Variants in CDH18 observed in about 807,000 individuals in gnomAD.
CDH18 encodes cadherin 18.
CDH18 carries 31 observed loss-of-function variants against 67.9 expected under a neutral mutation model. The observed-to-expected ratio is 0.46, with a 90% CI of 0.34 to 0.62. The LOEUF (loss-of-function observed/expected upper bound fraction) is 0.62, where lower values mean the gene tolerates loss of function less well. CDH18 is among the 20% of genes least tolerant of loss of function. CDH18 has a pLI of 0.01. For synonymous variants in CDH18, 362 were observed against 347.2 expected, an observed-to-expected ratio of 1.04 and a Z score of -0.48; for missense variants, 890 against 975.5, an observed-to-expected ratio of 0.91 and a Z score of 1.17.
intron 5 of CDH18, among the ~76,000 whole-genome samples, chr5:19,709,575 C>T (rs1394588358): frequency 8.3e-6 from 1 of 119,982 alleles, no homozygotes; most frequent in Non-Finnish European, 1.8e-5. Context: ...CAAAAAACAA[C>T]AACAAAAAAA....
intron 1 of CDH18, among the ~76,000 whole-genome samples, chr5:20,308,354 G>A (rs569880690): frequency 2.0e-5 from 3 of 151,904 alleles, no homozygotes; most frequent in Admixed American, 1.3e-4. Context: ...ACCAGCCTGG[G>A]CGACACGGTG....
At position 20,172,865 on chromosome 5, in the gene CDH18, C is replaced by T. The variant is rs532440952; in HGVS notation, c.-518+82579G>A. 1.2e-4 allele frequency among the ~76,000 whole-genome samples: 18 copies of T among 151,914 alleles called. No homozygotes were observed. The East Asian group carries it at 3.3e-3, about 28-fold the overall frequency. Reference sequence around the variant, plus strand: ...ATTAGCCAGGCATGGTGGCACATGCCTGTAATCCCAGCTACTCAGGAGGCT... The same window carrying T: ...ATTAGCCAGGCATGGTGGCACATGCTTGTAATCCCAGCTACTCAGGAGGCT... On this transcript the variant is annotated intron_variant, in intron 2 of 14. Transcript: ENST00000507958.
intron 2 of CDH18, among the ~76,000 whole-genome samples, chr5:20,036,608 A>C (rs1404967075): frequency 6.6e-6 from 1 of 152,052 alleles, no homozygotes; most frequent in African/African-American, 2.4e-5. Context: ...ATAGGGATCC[A>C]TAGTGGTAGG....
At chr5:20,146,453 T>C (rs1458171823) in intron 2 of CDH18, among the ~76,000 whole-genome samples, 1 of 152,058 alleles carries the variant, frequency 6.6e-6, no homozygotes, top group Non-Finnish European at 1.5e-5. Flanking sequence ...ATAATATAAT[T>C]GAATTGTGTT....
At chr5:20,235,643 G>A (rs929711381) in intron 2 of CDH18, among the ~76,000 whole-genome samples, 3 of 152,210 alleles carry the variant, frequency 2.0e-5, no homozygotes, top group African/African-American at 7.2e-5. Flanking sequence ...TGGCAAGGCT[G>A]TAGAGAAAAG....
rs1743517176 is a variant in CDH18 at position 19,503,039 on chromosome 5, T to C, written c.1583A>G (p.Asp528Gly). The stretch of plus-strand genomic sequence containing the variant: ...GTTTGGATTTACAGGCAGGCGTTCA[T>C]CAAGAAAGAAGTTAAACCTTGGTCC... ...ANGPRFNFFL[D>G]ERLPVNPNFT... Residue 528 changes from aspartate (D) to glycine (G), a missense_variant, in exon 11 of 13, where the codon GAT becomes GGT. Physicochemically the swap from Asp to Gly is moderately conservative, Grantham distance 94. Transcript: ENST00000382275. The C allele has an allele frequency of 1.2e-6, 2 of 1,612,668 alleles. No individual in the cohort carries two copies.
intron 1 of CDH18, among the ~76,000 whole-genome samples, chr5:20,260,552 G>A (rs1744571489): frequency 6.6e-6 from 1 of 152,156 alleles, no homozygotes; most frequent in Non-Finnish European, 1.5e-5. Flanking sequence ...GACATATTTT[G>A]CATTTCAGAA....
chr5:19,797,010 T>C (rs1194657246), intron 3 of CDH18, among the ~76,000 whole-genome samples: 1 of 151,736 alleles, frequency 6.6e-6, no homozygotes, highest in African/African-American at 2.4e-5. Context: ...AGAAAACAAA[T>C]GTAAGATATA....
At chr5:19,873,390 T>C (rs747042639) in intron 2 of CDH18, among the ~76,000 whole-genome samples, 2 of 152,142 alleles carry the variant, frequency 1.3e-5, no homozygotes, top group African/African-American at 2.4e-5. Context: ...AAGAAAAACA[T>C]AGTCGGTGAG....
chr5:19,528,416 T>A (rs575230441), intron 9 of CDH18, among the ~76,000 whole-genome samples: 1 of 151,684 alleles, frequency 6.6e-6, no homozygotes, highest in South Asian at 2.1e-4. Context: ...AATAAAAATT[T>A]CCTTATCAGA....
rs1313739373 is a variant in CDH18, at chr5:19,483,363, G to A, written c.1820C>T (p.Ser607Phe). The A allele has an allele frequency of 1.4e-5, 22 of 1,613,956 alleles. No homozygotes were observed. Among genetic ancestry groups the A allele is most frequent in the Non-Finnish European group, 1.8e-5 (21 of 1,179,866 alleles). The change falls in exon 12 of 13, where the codon TCC (serine) becomes TTC (phenylalanine). Residue 607 changes from serine to phenylalanine, a missense_variant. Around this residue, in one of 2 missense-constraint regions of CDH18, gnomAD observed 656 missense variants for 668.1 expected, o/e 0.98. Coordinates refer to ENST00000382275, the MANE Select transcript of CDH18 (RefSeq NM_004934.5). ...GGCTCCTGTACTCAAACCAGCCGAG[G>A]ACAGGAAGGCTTCTGCATGGCAGGT... Reference protein sequence around the residue: ...VRTCHAEAFLSSAGLSTGALI... With the variant: ...VRTCHAEAFLFSAGLSTGALI...
chr5:20,195,787 A>G (rs1189392562), intron 2 of CDH18, among the ~76,000 whole-genome samples: 1 of 152,124 alleles, frequency 6.6e-6, no homozygotes, highest in African/African-American at 2.4e-5. Flanking sequence ...GGATTTGTAT[A>G]CAAAATGCAT....
chr5:20,059,069 C>A (rs919594670), intron 2 of CDH18, among the ~76,000 whole-genome samples: 1 of 151,922 alleles, frequency 6.6e-6, no homozygotes, highest in Non-Finnish European at 1.5e-5. Flanking sequence ...AGGGTGTATG[C>A]GTCCAGGAAT....
At chr5:19,722,444 T>C (rs1766231993) in intron 4 of CDH18, among the ~76,000 whole-genome samples, 2 of 151,416 alleles carry the variant, frequency 1.3e-5, no homozygotes, top group East Asian at 1.9e-4. Flanking sequence ...AAATGGATTG[T>C]AAATTCATTT....
intron 3 of CDH18, among the ~76,000 whole-genome samples, chr5:19,789,443 T>C (rs1776139840): frequency 6.6e-6 from 1 of 152,166 alleles, no homozygotes; most frequent in African/African-American, 2.4e-5. Flanking sequence ...ATAACTCAAA[T>C]TTATAATTTC....
At chr5:19,890,959 C>T (rs546494375) in intron 2 of CDH18, among the ~76,000 whole-genome samples, 13 of 152,264 alleles carry the variant, frequency 8.5e-5, no homozygotes, top group African/African-American at 1.7e-4. Context: ...GATTTAGTTA[C>T]ATAATAGACA....
chr5:20,465,728 T>C lies in CDH18; in HGVS notation c.-580+109734A>G, dbSNP rs934478450. On this transcript the variant is annotated intron_variant, in intron 1 of 14. Transcript: ENST00000507958. The stretch of plus-strand genomic sequence containing the variant: ...CAATCTGAGTGAATGAAATATATAC[T>C]GATCATAATTTCTTTTTTCTGAGAA... Among the ~76,000 whole-genome samples the C allele has an allele frequency of 1.3e-3, 195 of 152,146 alleles. 1 individual carries two copies. The highest frequency in any genetic ancestry group is 4.6e-3 in the African/African-American group (192 of 41,570).
At chr5:19,480,177 C>G (rs1739162586) in intron 12 of CDH18, among the ~76,000 whole-genome samples, 1 of 152,012 alleles carries the variant, frequency 6.6e-6, no homozygotes, top group Non-Finnish European at 1.5e-5. Context: ...TCCCTGCGTT[C>G]TATTCTCTAT....
At chr5:20,374,920 T>C (rs1279050518) in intron 1 of CDH18, among the ~76,000 whole-genome samples, 1 of 152,176 alleles carries the variant, frequency 6.6e-6, no homozygotes. Flanking sequence ...GGGTTATCTA[T>C]TGATAACCCT....
Sources: allele counts gnomAD v4.1 joint callset (sites outside exome capture counted in the v4.1 genomes callset), GRCh38; gene constraint gnomAD v4.1.1; regional missense constraint gnomAD v4.1.1; transcripts MANE v1.5; gene names NCBI Gene and HGNC (gene_info 2026-07-23, HGNC 2026-07-21).